ABCB4: variants seen among roughly 807,000 people sequenced by gnomAD.
The protein encoded by ABCB4 is phosphatidylcholine translocator ABCB4.
In ABCB4, 76 loss-of-function variants were observed where a neutral mutation model predicts 145.7. That is an observed-to-expected ratio of 0.52 (90% confidence interval 0.43 to 0.63). The LOEUF is 0.63. Among genes scored for constraint, ABCB4 ranks in the 30% least tolerant of loss-of-function variants. The pLI is 0.00. For synonymous variants in ABCB4, 517 were observed against 566.8 expected, an observed-to-expected ratio of 0.91 and a Z score of 1.25; for missense variants, 1,234 against 1,553.1, an observed-to-expected ratio of 0.79 and a Z score of 3.45.
At position 87,406,463 on chromosome 7, in the gene ABCB4, T is replaced by C. The variant is rs540787829; in HGVS notation, c.3311A>G (p.Asn1104Ser). The stretch of plus-strand genomic sequence containing the variant: ...GAGTTGAGCTCTGAGCCACTGGACA[T>C]TGAGTTTCTTTGCTTCTTGACCATC... ...LLDGQEAKKL[N>S]VQWLRAQLGI... is the part of the protein sequence containing the mutation. Residue 1104 changes from asparagine to serine, a missense_variant, in exon 26 of 28, where the codon AAT (asparagine) becomes AGT (serine). Transcript: ENST00000649586. 8.7e-6 allele frequency: 14 copies of C among 1,613,780 alleles called. No individual in the cohort carries two copies. Among genetic ancestry groups the C allele is most frequent in the East Asian group, 4.5e-5 (2 of 44,872 alleles).
downstream of ABCB4, chr7:87,398,493 G>GTAATCAT: frequency 6.2e-7 from 1 of 1,611,550 alleles, no homozygotes. Context: ...AGCCTTTTGT[G>GTAATCAT]TAATCATTAA....
chr7:87,426,818 A>T lies in ABCB4; in HGVS notation c.1996T>A (p.Ser666Thr). Residue 666 changes from serine to threonine, a missense_variant, in exon 16 of 28, where the codon TCT becomes ACT. By Grantham distance (58) the Ser-to-Thr change is moderately conservative (BLOSUM62 1). Coordinates refer to ENST00000649586, the MANE Select transcript of ABCB4 (RefSeq NM_000443.4). ...GAATTTTTAAGGTTTTTCTGAGTAGAATGCCTAAATAGGCGAGATTTCCAG... is the reference window on the plus strand; with the variant it reads ...GAATTTTTAAGGTTTTTCTGAGTAGTATGCCTAAATAGGCGAGATTTCCAG... ...NGWKSRLFRH[S>T]TQKNLKNSQM... is the part of the protein sequence containing the mutation. 1 of 1,614,072 alleles carries T rather than the reference A, an allele frequency of 6.2e-7. No individual in the cohort carries two copies. Among genetic ancestry groups the T allele is most frequent in the Non-Finnish European group, 8.5e-7 (1 of 1,179,968 alleles).
intron 17 of ABCB4, among the ~76,000 whole-genome samples, chr7:87,422,866 C>T (rs1285759906): frequency 1.3e-5 from 2 of 152,134 alleles, no homozygotes; most frequent in East Asian, 3.9e-4. Flanking sequence ...TGCATGTCTT[C>T]CCCGACAGAA....
Position 87,462,933 on chromosome 7 carries a change from C to T in ABCB4, c.136-25G>A, listed in dbSNP as rs866821158. The T allele has an allele frequency of 5.6e-6, 9 of 1,603,462 alleles. No individual in the cohort carries two copies. The African/African-American group carries it at 6.7e-5, about 12-fold the overall frequency. On this transcript the variant is annotated intron_variant, in intron 3 of 27. Coordinates refer to ENST00000649586, the MANE Select transcript of ABCB4 (RefSeq NM_000443.4). ...ACTAAAAAAAGGAAATAAAATAATA[C>T]TTAGCTGTGGAATGGAATTTCTCCT... is the stretch of plus-strand genomic sequence containing the variant.
At chr7:87,388,823 A>G in the ABCB4 span, among the ~76,000 whole-genome samples, 2 of 152,230 alleles carry the variant, frequency 1.3e-5, no homozygotes, top group Non-Finnish European at 2.9e-5. Flanking sequence ...TGAAACTATC[A>G]TCAGAGTGAA....
chr7:87,431,504 T>C lies in ABCB4; in HGVS notation c.1793A>G (p.Asp598Gly). 3 of 1,614,158 alleles carry C rather than the reference T, an allele frequency of 1.9e-6. No individual in the cohort carries two copies. The highest frequency in any genetic ancestry group is 2.5e-6 in the Non-Finnish European group (3 of 1,179,992). ...AHRLSTVRNA[D>G]VIAGFEDGVI... ...TCCATCCTCAAACCCAGCGATGACA[T>C]CTGCATTTCGGACCGTAGACAGTCG... Residue 598 changes from aspartate (D) to glycine (G), a missense_variant, in exon 15 of 28, where the codon GAT becomes GGT. By Grantham distance (94) the Asp-to-Gly change is moderately conservative (BLOSUM62 -1). Transcript: ENST00000649586.
chr7:87,453,824 G>A (rs942879865), intron 5 of ABCB4, among the ~76,000 whole-genome samples: 1 of 151,940 alleles, frequency 6.6e-6, no homozygotes, highest in Admixed American at 6.6e-5. Flanking sequence ...TTTACATATT[G>A]CAAATATAGT....
chr7:87,433,206 T>C (rs761728846), intron 14 of ABCB4, among the ~76,000 whole-genome samples: 34 of 152,256 alleles, frequency 2.2e-4, no homozygotes, highest in Admixed American at 3.3e-4. Flanking sequence ...AGTCCTTACA[T>C]TAAAATAAAT....
At chr7:87,390,306 C>T in the ABCB4 span, among the ~76,000 whole-genome samples, 1 of 152,118 alleles carries the variant, frequency 6.6e-6, no homozygotes, top group Admixed American at 6.6e-5. Flanking sequence ...AGTTTACTCC[C>T]TGAATTTTTT....
Position 87,424,006 on chromosome 7 carries a change from T to C in ABCB4, c.2111A>G (p.Asn704Ser). 1 of 1,614,110 alleles carries C rather than the reference T, an allele frequency of 6.2e-7. No individual in the cohort carries two copies. The highest frequency in any genetic ancestry group is 8.5e-7 in the Non-Finnish European group (1 of 1,179,966). The change falls in exon 17 of 28, where the codon AAT becomes AGT. Residue 704 changes from asparagine to serine, a missense_variant. This residue lies in a region of ABCB4 where 321 missense variants were observed against 332.6 expected (regional missense o/e 0.97). Transcript: ENST00000649586. ...GACAAAGTAGGGCCATTCTGTTTTA[T>C]TCAGTTTCAGGACCTTCAGAAAGGA... ...PVSFLKVLKL[N>S]KTEWPYFVVG...
In ABCB4 at chr7:87,462,911, A is replaced by T; in HGVS notation, c.136-3T>A. 6.2e-7 allele frequency: 1 copy of T among 1,610,752 alleles called. No homozygotes were observed. The highest frequency in any genetic ancestry group is 8.5e-7 in the Non-Finnish European group (1 of 1,177,328). On this transcript the variant is annotated splice_polypyrimidine_tract_variant and splice_region_variant and intron_variant, in intron 3 of 27. Transcript: ENST00000649586. The stretch of plus-strand genomic sequence containing the variant: ...TCCTGCCAATCGGAGTATCGAAACT[A>T]AAAAAAGGAAATAAAATAATACTTA...
chr7:87,474,909 G>A (rs1813685314), intron 2 of ABCB4, among the ~76,000 whole-genome samples: 1 of 152,134 alleles, frequency 6.6e-6, no homozygotes, highest in Admixed American at 6.5e-5. Flanking sequence ...GAGGGGGAGG[G>A]GTAAGACAAG....
At chr7:87,425,099 A>T (rs1162204677) in intron 16 of ABCB4, among the ~76,000 whole-genome samples, 1 of 151,974 alleles carries the variant, frequency 6.6e-6, no homozygotes, top group Non-Finnish European at 1.5e-5. Flanking sequence ...AGCATAATGA[A>T]TGAATCTTTT....
chr7:87,405,155 A>T (rs1198343968), intron 26 of ABCB4, among the ~76,000 whole-genome samples: 1 of 152,252 alleles, frequency 6.6e-6, no homozygotes, highest in African/African-American at 2.4e-5. Context: ...ACTGTGGTAC[A>T]TCCACACTGT....
At chr7:87,374,388 A>G in the ABCB4 span, among the ~76,000 whole-genome samples, 3 of 152,178 alleles carry the variant, frequency 2.0e-5, no homozygotes, top group East Asian at 5.8e-4. Context: ...GAACATGAAA[A>G]TGATCATTTC....
intron 3 of ABCB4, among the ~76,000 whole-genome samples, chr7:87,468,326 C>T (rs1028713584): frequency 1.3e-5 from 2 of 152,158 alleles, no homozygotes; most frequent in Non-Finnish European, 2.9e-5. Context: ...AACACATACA[C>T]CCTCCCAAGA....
chr7:87,421,926 T>G (rs1182063463), intron 18 of ABCB4, among the ~76,000 whole-genome samples, 195 bp downstream of exon 18: 1 of 152,190 alleles, frequency 6.6e-6, no homozygotes, highest in Non-Finnish European at 1.5e-5. Context: ...GAGGGCAAAC[T>G]TGTAATGTAA....
the ABCB4 span, among the ~76,000 whole-genome samples, chr7:87,382,798 C>T: frequency 6.6e-6 from 1 of 152,100 alleles, no homozygotes; most frequent in Non-Finnish European, 1.5e-5. Context: ...GAGGATTGGT[C>T]ATCTTTGGCA....
At chr7:87,453,218 C>G in intron 5 of ABCB4, 83 bp from the exon 6 acceptor site, 2 of 1,391,404 alleles carry the variant, frequency 1.4e-6, no homozygotes, top group Non-Finnish European at 2.0e-6. Flanking sequence ...GAGTCTCACT[C>G]TGTCACCCAG....
Sources: allele counts gnomAD v4.1 joint callset (sites outside exome capture counted in the v4.1 genomes callset), GRCh38; gene constraint gnomAD v4.1.1; regional missense constraint gnomAD v4.1.1; transcripts MANE v1.5; gene names NCBI Gene and HGNC (gene_info 2026-07-23, HGNC 2026-07-21).